The following JPH3 variants were observed in gnomAD, a reference collection of about 807,000 sequenced individuals.
The protein encoded by JPH3 is junctophilin-3.
In JPH3, 11 loss-of-function variants were observed where a neutral mutation model predicts 59.6. The observed-to-expected ratio is 0.18, with a 90% CI of 0.12 to 0.31. The LOEUF is 0.31. Ranked by LOEUF, JPH3 falls within the 10% of genes least tolerant of loss-of-function variation. The pLI, the probability that JPH3 is intolerant of heterozygous loss-of-function variation, is 1.00. For missense variants in JPH3, 1,202 were observed against 1,105.7 expected (o/e 1.09, Z -1.24); for synonymous variants, 673 against 483.6 (o/e 1.39, Z -5.14).
At chr16:87,682,870 A>C (rs2033329179) in intron 2 of JPH3, among the ~76,000 whole-genome samples, 1 of 152,212 alleles carries the variant, frequency 6.6e-6, no homozygotes, top group African/African-American at 2.4e-5. Flanking sequence ...GGTAGGAAGA[A>C]ATGCAAGCCC....
chr16:87,678,995 C>G (rs1208131663), intron 2 of JPH3, among the ~76,000 whole-genome samples: 1 of 152,216 alleles, frequency 6.6e-6, no homozygotes, highest in African/African-American at 2.4e-5. Context: ...GTTAAGTCCA[C>G]CTAGTTAGTG....
At chr16:87,642,248 G>T (rs183863446) in intron 1 of JPH3, among the ~76,000 whole-genome samples, 15 of 151,404 alleles carry the variant, frequency 9.9e-5, no homozygotes, top group South Asian at 4.2e-4. Flanking sequence ...CTAGGGAAAG[G>T]GGGGGGGCAG....
intron 3 of JPH3, among the ~76,000 whole-genome samples, chr16:87,684,872 C>T (rs892689083): frequency 1.5e-5 from 2 of 130,860 alleles, no homozygotes; most frequent in Admixed American, 7.7e-5. Context: ...GTGGCGGGGG[C>T]GTGGAGGGTG....
At chr16:87,647,033 C>T (rs1357307095) in intron 2 of JPH3, among the ~76,000 whole-genome samples, 5 of 152,188 alleles carry the variant, frequency 3.3e-5, no homozygotes, top group Non-Finnish European at 5.9e-5. Context: ...GGCAGGTTGT[C>T]AGCCTCTCTG....
intron 1 of JPH3, among the ~76,000 whole-genome samples, chr16:87,634,805 G>A (rs977580888): frequency 2.0e-5 from 3 of 152,256 alleles, no homozygotes; most frequent in Non-Finnish European, 2.9e-5. Context: ...AGCCCCGAGT[G>A]GGCAGGCACA....
At chr16:87,604,320 G>T in intron 1 of JPH3, 1 of 1,469,036 alleles carries the variant, frequency 6.8e-7, no homozygotes, top group African/African-American at 1.4e-5. Flanking sequence ...TGCTGCTGCT[G>T]CTGCTGCTGT....
chr16:87,656,951 TCTC>T (rs568585984), intron 2 of JPH3, among the ~76,000 whole-genome samples: 27 of 152,216 alleles, frequency 1.8e-4, no homozygotes, highest in South Asian at 4.2e-4. Context: ...AGGATCTCCC[TCTC>T]CTCCTCTTCT....
intron 1 of JPH3, among the ~76,000 whole-genome samples, chr16:87,625,186 G>A (rs1303280435): frequency 6.6e-6 from 1 of 152,242 alleles, no homozygotes; most frequent in Non-Finnish European, 1.5e-5. Flanking sequence ...ACTTCTGGAA[G>A]CTGAGAAGTC....
intron 1 of JPH3, among the ~76,000 whole-genome samples, chr16:87,631,386 T>G (rs1247596720): frequency 2.0e-5 from 3 of 152,228 alleles, no homozygotes; most frequent in East Asian, 3.8e-4. Flanking sequence ...AAATCATTTC[T>G]GCTCATAATT....
chr16:87,674,555 G>T (rs918169594), intron 2 of JPH3, among the ~76,000 whole-genome samples: 3 of 152,172 alleles, frequency 2.0e-5, no homozygotes, highest in Non-Finnish European at 4.4e-5. Context: ...AATATGTAGA[G>T]CATAACCCCA....
At chr16:87,624,231 CAG>C (rs957285825) in intron 1 of JPH3, among the ~76,000 whole-genome samples, 46 of 152,212 alleles carry the variant, frequency 3.0e-4, no homozygotes, top group Admixed American at 3.0e-3. Flanking sequence ...CTAGAATATT[CAG>C]AGTTGTGTCA....
upstream of JPH3, chr16:87,602,249 G>A (rs1467630311): frequency 6.6e-6 from 1 of 150,860 alleles, no homozygotes; most frequent in Admixed American, 6.6e-5. Flanking sequence ...GAGGGGGCGG[G>A]GGCGCCCCGG....
chr16:87,662,762 C>T (rs556852222), intron 2 of JPH3, among the ~76,000 whole-genome samples: 1 of 152,250 alleles, frequency 6.6e-6, no homozygotes, highest in East Asian at 1.9e-4. Context: ...CTCAGACCCT[C>T]CTCAGCCCCC....
rs2033957021 is a variant in JPH3, at chr16:87,697,795, A to T, written c.*1135A>T. 1 of 152,238 alleles carries T rather than the reference A, an allele frequency of 6.6e-6. No homozygotes were observed. Among genetic ancestry groups the T allele is most frequent in the Non-Finnish European group, 1.5e-5 (1 of 68,032 alleles). 9.4% of individuals were successfully genotyped at this position (152,238 alleles called of 1,614,324 possible). A position where few individuals can be genotyped will look rare whatever the true frequency, so the allele number is the denominator to read the frequency against. ...CTAAAATGTACAATGTAACTTGTTC[A>T]GTCCAACAAAAACAGGTTCCTTATG... On this transcript the variant is annotated 3_prime_UTR_variant, in exon 5 of 5. Coordinates refer to ENST00000284262, the MANE Select transcript of JPH3 (RefSeq NM_020655.4).
intron 2 of JPH3, among the ~76,000 whole-genome samples, chr16:87,650,809 G>C (rs1419927651): frequency 1.3e-5 from 2 of 152,246 alleles, no homozygotes; most frequent in Non-Finnish European, 2.9e-5. Flanking sequence ...GCAGAGGCTG[G>C]TTCATCAGGT....
chr16:87,687,129 G>T (rs2033438123), intron 3 of JPH3, among the ~76,000 whole-genome samples: 1 of 152,310 alleles, frequency 6.6e-6, no homozygotes, highest in African/African-American at 2.4e-5. Flanking sequence ...TTCAGGATCA[G>T]TGTTCCCAGA....
At chr16:87,675,210 C>T (rs969994449) in intron 2 of JPH3, among the ~76,000 whole-genome samples, 62 of 137,212 alleles carry the variant, frequency 4.5e-4, no homozygotes, top group Non-Finnish European at 8.3e-4. Context: ...TTCCCCGACT[C>T]GCTGACCCCT....
chr16:87,631,042 A>G (rs1207099226), intron 1 of JPH3, among the ~76,000 whole-genome samples: 1 of 152,150 alleles, frequency 6.6e-6, no homozygotes, highest in Non-Finnish European at 1.5e-5. Context: ...TTTTCTTTAA[A>G]TCACTGGTTC....
intron 2 of JPH3, among the ~76,000 whole-genome samples, chr16:87,681,328 G>A (rs1193374069): frequency 6.7e-6 from 1 of 149,202 alleles, no homozygotes; most frequent in Middle Eastern, 3.2e-3. Flanking sequence ...GAGGTCAGGT[G>A]CGCGCGGTCG....
Sources: allele counts gnomAD v4.1 joint callset (sites outside exome capture counted in the v4.1 genomes callset), GRCh38; gene constraint gnomAD v4.1.1; transcripts MANE v1.5; gene names NCBI Gene and HGNC (gene_info 2026-07-23, HGNC 2026-07-21).